PPP2R5D: variants seen among roughly 807,000 people sequenced by gnomAD.
PPP2R5D encodes serine/threonine-protein phosphatase 2A 56 kDa regulatory subunit delta isoform.
PPP2R5D carries 12 observed loss-of-function variants against 79.1 expected under a neutral mutation model. The ratio of observed to expected loss-of-function variants is 0.15; its 90% CI spans 0.10 to 0.25. PPP2R5D has a LOEUF of 0.25. Among genes scored for constraint, PPP2R5D ranks in the 10% least tolerant of loss-of-function variants. The pLI is 1.00. For synonymous variants in PPP2R5D, 277 were observed against 286.6 expected, an observed-to-expected ratio of 0.97 and a Z score of 0.34; for missense variants, 419 against 760.2, an observed-to-expected ratio of 0.55 and a Z score of 5.28.
At chr6:42,992,395 C>T (rs1482754818) in intron 2 of PPP2R5D, among the ~76,000 whole-genome samples, 2 of 152,168 alleles carry the variant, frequency 1.3e-5, no homozygotes, top group Non-Finnish European at 2.9e-5. Flanking sequence ...TTGGGCTCTT[C>T]TAGCCAGCTT....
At chr6:42,989,379 G>A (rs1771086744) in intron 1 of PPP2R5D, among the ~76,000 whole-genome samples, 2 of 152,142 alleles carry the variant, frequency 1.3e-5, no homozygotes, top group Admixed American at 1.3e-4. Context: ...GCATTCTCAC[G>A]CTGAATTAGT....
intron 2 of PPP2R5D, among the ~76,000 whole-genome samples, chr6:42,995,227 G>A (rs1269949225): frequency 1.3e-5 from 2 of 149,958 alleles, no homozygotes; most frequent in South Asian, 2.1e-4. Context: ...ACCTCCTGGG[G>A]CTCAAGGGAT....
In PPP2R5D at chr6:43,008,286, T is replaced by C; in HGVS notation, c.917+26T>C. On this transcript the variant is annotated intron_variant, in intron 8 of 15. Coordinates refer to ENST00000485511, the MANE Select transcript of PPP2R5D (RefSeq NM_006245.4). This position sits in a 1 kb window ranked among gnomAD's most constrained non-coding sequence, Gnocchi z 4.2. ...GTGAGAGGCCGGGTGGGGGCACAGATGCCTGAAAAAGGTTGGCAGGATTGG... is the reference window on the plus strand; with the variant it reads ...GTGAGAGGCCGGGTGGGGGCACAGACGCCTGAAAAAGGTTGGCAGGATTGG... The C allele has an allele frequency of 1.2e-6, 2 of 1,614,154 alleles. No individual in the cohort carries two copies. Among genetic ancestry groups the C allele is most frequent in the Non-Finnish European group, 1.7e-6 (2 of 1,179,980 alleles).
chr6:43,006,766 GGGGAAGGGAGTTCCAGAGAATGC>G lies in PPP2R5D; in HGVS notation c.322+96_323-114del. 1 of 1,577,938 alleles carries G rather than the reference GGGGAAGGGAGTTCCAGAGAATGC, an allele frequency of 6.3e-7. No individual in the cohort carries two copies. Among genetic ancestry groups the G allele is most frequent in the Non-Finnish European group, 8.6e-7 (1 of 1,159,056 alleles). On this transcript the variant is annotated intron_variant, in intron 3 of 15. Coordinates refer to ENST00000485511, the MANE Select transcript of PPP2R5D (RefSeq NM_006245.4). This position sits in a 1 kb window ranked among gnomAD's most constrained non-coding sequence, Gnocchi z 4.7. ...GAATGGAAGTTTTGGGGTATTTTGC[GGGGAAGGGAGTTCCAGAGAATGC>G]GGGAAGGGGGTGCCAGGGAGCAGGA...
rs1762185888 is a variant in PPP2R5D, at chr6:43,008,134, G to C, written c.858-67G>C. 3 of 1,613,696 alleles carry C rather than the reference G, an allele frequency of 1.9e-6. No homozygotes were observed. The highest frequency in any genetic ancestry group is 1.1e-5 in the South Asian group (1 of 91,074). ...TGAGGTGGGGTGGGAGCAGGGAGGT[G>C]GGGGGACTGTACAGAATGCTGGAGG... On this transcript the variant is annotated intron_variant, in intron 7 of 15. Coordinates refer to ENST00000485511, the MANE Select transcript of PPP2R5D (RefSeq NM_006245.4). The surrounding 1 kb of genome is among the most constrained non-coding windows in gnomAD (Gnocchi z 4.2).
chr6:43,000,072 A>C (rs2150267600), intron 2 of PPP2R5D, among the ~76,000 whole-genome samples: 1 of 151,190 alleles, frequency 6.6e-6, no homozygotes, highest in South Asian at 2.1e-4. Flanking sequence ...AATAGCTGGG[A>C]TTACAGGCGC....
intron 2 of PPP2R5D, among the ~76,000 whole-genome samples, chr6:42,993,672 T>C (rs931918789): frequency 6.6e-5 from 10 of 152,226 alleles, no homozygotes; most frequent in Admixed American, 6.5e-4. Flanking sequence ...TCTGCCTCTG[T>C]CTTCACACAG....
At position 42,984,999 on chromosome 6, in the gene PPP2R5D, A is replaced by G. The variant is rs1172537348; in HGVS notation, c.27+295A>G. ...CTTCTTCCAGATCTGCCCCATTCCC[A>G]GGTCACTGTCCTGCTTTTTCTGTCC... On this transcript the variant is annotated intron_variant, in intron 1 of 15. Coordinates refer to ENST00000485511, the MANE Select transcript of PPP2R5D (RefSeq NM_006245.4). Among the ~76,000 whole-genome samples the G allele has an allele frequency of 2.2e-5, 3 of 133,784 alleles. No homozygotes were observed. In the East Asian group the frequency reaches 6.6e-4, roughly 30 times the overall value. 87.8% of individuals were successfully genotyped at this position (133,784 alleles called of 152,430 possible).
At position 43,007,548 on chromosome 6, in the gene PPP2R5D, C is replaced by G; in HGVS notation, c.726+42C>G. ...CTGTCCTTGCCCTCTCTTTCCATTC[C>G]ATGCCCCCTTCATCTGTGTCCCAGT... is the stretch of plus-strand genomic sequence containing the variant. On this transcript the variant is annotated intron_variant, in intron 6 of 15. Transcript: ENST00000485511. This position sits in a 1 kb window ranked among gnomAD's most constrained non-coding sequence, Gnocchi z 4.5. 6.6e-7 allele frequency: 1 copy of G among 1,506,496 alleles called. No homozygotes were observed. The highest frequency in any genetic ancestry group is 9.2e-7 in the Non-Finnish European group (1 of 1,082,358). 93.3% of individuals were successfully genotyped at this position (1,506,496 alleles called of 1,614,324 possible).
At chr6:42,996,239 C>T (rs1413228197) in intron 2 of PPP2R5D, among the ~76,000 whole-genome samples, 9 of 149,834 alleles carry the variant, frequency 6.0e-5, no homozygotes, top group Admixed American at 5.3e-4. Flanking sequence ...CGAGGCGGGG[C>T]GGATCACGAG....
rs748219258 is a variant in PPP2R5D at position 43,011,195 on chromosome 6, C to T, written c.1718C>T (p.Ser573Leu). Residue 573 changes from serine to leucine, a missense_variant, in exon 16 of 16, where the codon TCG becomes TTG. Ser to Leu is a moderately radical substitution (Grantham distance 145, BLOSUM62 -2). This residue lies in a region of PPP2R5D where 84 missense variants were observed against 105.4 expected (regional missense o/e 0.80). Transcript: ENST00000485511. ...KKEKVLLRRK[S>L]ELPQDVYTIK... is the part of the protein sequence containing the mutation. ...GAGAAAGTGCTGCTGCGGAGGAAGTCGGAGCTGCCCCAGGACGTGTACACC... is the reference window on the plus strand; with the variant it reads ...GAGAAAGTGCTGCTGCGGAGGAAGTTGGAGCTGCCCCAGGACGTGTACACC... 1.9e-6 allele frequency: 3 copies of T among 1,614,088 alleles called. No individual in the cohort carries two copies. Among genetic ancestry groups the T allele is most frequent in the Admixed American group, 1.7e-5 (1 of 60,006 alleles).
At chr6:42,994,847 G>A (rs1270042572) in intron 2 of PPP2R5D, among the ~76,000 whole-genome samples, 2 of 151,232 alleles carry the variant, frequency 1.3e-5, no homozygotes, top group Non-Finnish European at 2.9e-5. Flanking sequence ...TAATGTCATA[G>A]ACTCCTCTAC....
chr6:43,010,773 C>G lies in PPP2R5D; in HGVS notation c.1554+37C>G, dbSNP rs756077363. 6.2e-6 allele frequency: 10 copies of G among 1,610,842 alleles called. No homozygotes were observed. The East Asian group carries it at 2.2e-4, about 36-fold the overall frequency. On this transcript the variant is annotated intron_variant, in intron 14 of 15. Transcript: ENST00000485511. This position sits in a 1 kb window ranked among gnomAD's most constrained non-coding sequence, Gnocchi z 4.7. ...CTGCCACTGTTGTGAACTGAGGGGC[C>G]AGCCCATCTTGAGCTGGGGGAGAGT... is the stretch of plus-strand genomic sequence containing the variant.
In PPP2R5D at chr6:43,008,278, G is replaced by A; in HGVS notation, c.917+18G>A. 2 of 1,614,106 alleles carry A rather than the reference G, an allele frequency of 1.2e-6. No individual in the cohort carries two copies. The highest frequency in any genetic ancestry group is 1.7e-6 in the Non-Finnish European group (2 of 1,180,010). On this transcript the variant is annotated intron_variant, in intron 8 of 15. Coordinates refer to ENST00000485511, the MANE Select transcript of PPP2R5D (RefSeq NM_006245.4). The surrounding 1 kb of genome is among the most constrained non-coding windows in gnomAD (Gnocchi z 4.2). The stretch of plus-strand genomic sequence containing the variant: ...CTGGGCAGGTGAGAGGCCGGGTGGG[G>A]GCACAGATGCCTGAAAAAGGTTGGC...
rs1762249685 is a variant in PPP2R5D, at chr6:43,009,557, G to C, written c.1379+108G>C. The C allele has an allele frequency of 4.1e-6, 6 of 1,464,692 alleles. No individual in the cohort carries two copies. The highest frequency in any genetic ancestry group is 4.7e-6 in the Non-Finnish European group (5 of 1,067,210). The allele number at this position is 1,464,692 out of a possible 1,614,324, so 90.7% of individuals were successfully genotyped here. ...CTCACCTAGTCACCCAGCAAGTGGG[G>C]CTGATGTCCCCTGCATGTTGATAGG... On this transcript the variant is annotated intron_variant, in intron 12 of 15. Transcript: ENST00000485511. The surrounding 1 kb of genome is among the most constrained non-coding windows in gnomAD (Gnocchi z 5.6).
At chr6:42,989,748 G>A in intron 2 of PPP2R5D, 60 bp downstream of exon 2, 1 of 1,494,406 alleles carries the variant, frequency 6.7e-7, no homozygotes. Context: ...CTCCATGATG[G>A]CTAGTTGGGT....
At chr6:42,989,457 G>A (rs1771091898) in intron 1 of PPP2R5D, among the ~76,000 whole-genome samples, 154 bp from the exon 2 acceptor site, 1 of 152,196 alleles carries the variant, frequency 6.6e-6, no homozygotes, top group African/African-American at 2.4e-5. Context: ...CTTCTGCGTA[G>A]ATCCCTCCAC....
Position 43,006,424 on chromosome 6 carries a change from C to T in PPP2R5D, c.106-39C>T, listed in dbSNP as rs770843959. ...GCCAGGCCCAGGGTGGGAGGCATAT[C>T]TTGGGAAGTGGATTTCAACAGGTGA... On this transcript the variant is annotated intron_variant, in intron 2 of 15. Transcript: ENST00000485511. This position sits in a 1 kb window ranked among gnomAD's most constrained non-coding sequence, Gnocchi z 4.7. 6.2e-7 allele frequency: 1 copy of T among 1,604,438 alleles called. No homozygotes were observed.
At chr6:42,993,736 C>T (rs1012460901) in intron 2 of PPP2R5D, among the ~76,000 whole-genome samples, 3 of 152,194 alleles carry the variant, frequency 2.0e-5, no homozygotes, top group African/African-American at 7.2e-5. Context: ...TCTAAGGACA[C>T]CAGTCATATT....
Sources: allele counts gnomAD v4.1 joint callset (sites outside exome capture counted in the v4.1 genomes callset), GRCh38; gene constraint gnomAD v4.1.1; regional missense constraint gnomAD v4.1.1; non-coding constraint Gnocchi (gnomAD v3.1); transcripts MANE v1.5; gene names NCBI Gene and HGNC (gene_info 2026-07-23, HGNC 2026-07-21).